Variants in CAMTA1 observed in about 807,000 individuals in gnomAD.
The protein encoded by CAMTA1 is calmodulin-binding transcription activator 1.
A neutral mutation model predicts 170.9 loss-of-function variants in CAMTA1; 27 were observed. That is an observed-to-expected ratio of 0.16 (90% CI 0.12 to 0.22). CAMTA1 has a LOEUF of 0.22. CAMTA1 is among the 10% of genes least tolerant of loss of function. The pLI is 1.00. For synonymous variants in CAMTA1, 833 were observed against 891.5 expected, an observed-to-expected ratio of 0.93 and a Z score of 1.17; for missense variants, 1,619 against 2,217.2, an observed-to-expected ratio of 0.73 and a Z score of 5.42.
intron 5 of CAMTA1, among the ~76,000 whole-genome samples, chr1:7,276,595 C>T (rs1279850565): frequency 6.6e-6 from 1 of 151,948 alleles, no homozygotes; most frequent in Non-Finnish European, 1.5e-5. Context: ...AGGTGTGAGT[C>T]ACCGTGCCCA....
intron 3 of CAMTA1, among the ~76,000 whole-genome samples, chr1:7,019,766 G>T (rs1323033623): frequency 6.6e-6 from 1 of 152,244 alleles, no homozygotes; most frequent in Non-Finnish European, 1.5e-5. Context: ...ACCCGGAAAT[G>T]TGACTGTTTC....
chr1:6,856,638 A>T (rs983893947), intron 3 of CAMTA1, among the ~76,000 whole-genome samples: 6 of 152,282 alleles, frequency 3.9e-5, no homozygotes, highest in Admixed American at 3.9e-4. Flanking sequence ...ACAGCCATTG[A>T]GCAGATAATT....
chr1:7,419,219 G>A (rs967052469), intron 5 of CAMTA1, among the ~76,000 whole-genome samples: 25 of 151,514 alleles, frequency 1.7e-4, no homozygotes, highest in Non-Finnish European at 3.2e-4. Context: ...TGCAGGGCAC[G>A]ATCTCGGCTC....
At chr1:6,875,395 G>A (rs985828687) in intron 3 of CAMTA1, among the ~76,000 whole-genome samples, 5 of 152,106 alleles carry the variant, frequency 3.3e-5, no homozygotes, top group Middle Eastern at 3.2e-3. Context: ...GGGTTCAAGC[G>A]ATTCTCCTGC....
chr1:7,717,895 CGTT>C (rs1347452245), intron 11 of CAMTA1, among the ~76,000 whole-genome samples: 1 of 152,054 alleles, frequency 6.6e-6, no homozygotes, highest in Admixed American at 6.5e-5. Context: ...TTGAAGTTCA[CGTT>C]GTGTATTTCC....
intron 4 of CAMTA1, among the ~76,000 whole-genome samples, chr1:7,236,056 G>A (rs1267871507): frequency 6.6e-6 from 1 of 152,204 alleles, no homozygotes; most frequent in Non-Finnish European, 1.5e-5. Flanking sequence ...GAGTGGCCGG[G>A]CTGCGGGGTG....
chr1:7,366,384 A>G (rs930897610), intron 5 of CAMTA1, among the ~76,000 whole-genome samples: 1 of 152,188 alleles, frequency 6.6e-6, no homozygotes, highest in Non-Finnish European at 1.5e-5. Flanking sequence ...CCTTCTCTCC[A>G]GGGCTGCTCC....
chr1:7,610,115 G>A (rs548932785), intron 6 of CAMTA1, among the ~76,000 whole-genome samples: 100 of 152,200 alleles, frequency 6.6e-4, no homozygotes, highest in Non-Finnish European at 6.6e-4. Flanking sequence ...AGCCCAGCCA[G>A]GGGTTGTGCA....
intron 4 of CAMTA1, among the ~76,000 whole-genome samples, chr1:7,215,982 C>T (rs1216877554): frequency 6.6e-6 from 1 of 152,160 alleles, no homozygotes; most frequent in African/African-American, 2.4e-5. Context: ...TCTCACATTG[C>T]TATGAAGAAC....
chr1:7,079,795 A>G lies in CAMTA1; in HGVS notation c.235-11509A>G, dbSNP rs139675961. On this transcript the variant is annotated intron_variant, in intron 3 of 22. Transcript: ENST00000303635. ...GCAAGAAAAAATCTTAAACTCAGCT[A>G]GAAGAGGGGAAAAAGACAAATTATA... is the stretch of plus-strand genomic sequence containing the variant. 3.3e-5 allele frequency among the ~76,000 whole-genome samples: 5 copies of G among 152,320 alleles called. No homozygotes were observed. In the East Asian group the frequency reaches 9.7e-4, roughly 29 times the overall value.
At chr1:7,418,432 C>G (rs1436635585) in intron 5 of CAMTA1, among the ~76,000 whole-genome samples, 1 of 152,156 alleles carries the variant, frequency 6.6e-6, no homozygotes, top group Admixed American at 6.5e-5. Context: ...CTCTTGACCT[C>G]AGGTGGTCCG....
chr1:7,402,913 C>T (rs78033683), intron 5 of CAMTA1, among the ~76,000 whole-genome samples: 5,883 of 152,228 alleles, frequency 0.039, 319 homozygotes, highest in African/African-American at 0.12. Context: ...GAATGGGGCA[C>T]GCGGGACTCG....
chr1:7,682,201 G>T lies in CAMTA1; in HGVS notation c.2914+4468G>T, dbSNP rs575064101. On this transcript the variant is annotated intron_variant, in intron 11 of 22. Coordinates refer to ENST00000303635, the MANE Select transcript of CAMTA1 (RefSeq NM_015215.4). The surrounding 1 kb of genome is among the most constrained non-coding windows in gnomAD (Gnocchi z 5.0). ...GGGACCCTGTCATCTCAGGCAGAGCGGGGAGCATGGACTAAAAGCTCAAAC... is the reference window on the plus strand; with the variant it reads ...GGGACCCTGTCATCTCAGGCAGAGCTGGGAGCATGGACTAAAAGCTCAAAC... Among the ~76,000 whole-genome samples, 1 of 152,188 alleles carries T rather than the reference G, an allele frequency of 6.6e-6. No homozygotes were observed. The highest frequency in any genetic ancestry group is 2.4e-5 in the African/African-American group (1 of 41,446).
chr1:7,127,012 A>G (rs2006183), intron 4 of CAMTA1, among the ~76,000 whole-genome samples: 112,225 of 151,870 alleles, frequency 0.74, 42,289 homozygotes, highest in African/African-American at 0.9. Context: ...CTCATGATCC[A>G]CCCACCTCAG....
At chr1:7,098,099 T>TTATGTGTGTG (rs1553244124) in intron 4 of CAMTA1, among the ~76,000 whole-genome samples, 1 of 150,760 alleles carries the variant, frequency 6.6e-6, no homozygotes, top group African/African-American at 2.4e-5. Flanking sequence ...GGTGGACGAA[T>TTATGTGTGTG]TGTGTGTGTG....
At chr1:7,711,488 A>AGCTAC (rs2096570298) in intron 11 of CAMTA1, among the ~76,000 whole-genome samples, 2 of 152,148 alleles carry the variant, frequency 1.3e-5, no homozygotes, top group South Asian at 4.1e-4. Context: ...CATAGTCCTA[A>AGCTAC]AGAAAACACC....
At chr1:6,855,829 G>T (rs1048762805) in intron 3 of CAMTA1, among the ~76,000 whole-genome samples, 5 of 152,130 alleles carry the variant, frequency 3.3e-5, no homozygotes, top group African/African-American at 9.7e-5. Flanking sequence ...GCTGCCCCTG[G>T]GGCTGAGGTA....
intron 3 of CAMTA1, among the ~76,000 whole-genome samples, chr1:6,957,171 G>A (rs977049887): frequency 1.3e-5 from 2 of 152,184 alleles, no homozygotes; most frequent in Admixed American, 6.5e-5. Context: ...CAGATCTAAG[G>A]GGGAAGGATG....
chr1:7,342,029 A>G (rs950087173), intron 5 of CAMTA1, among the ~76,000 whole-genome samples: 48 of 152,356 alleles, frequency 3.2e-4, no homozygotes, highest in Admixed American at 2.4e-3. Context: ...GGGAGTCTTC[A>G]TACTGACCGT....
Sources: gnomAD v4.1 joint callset for allele counts (sites outside exome capture counted in the v4.1 genomes callset) on GRCh38, gnomAD v4.1.1 for gene constraint, Gnocchi (gnomAD v3.1) non-coding constraint, MANE v1.5 for transcripts, NCBI Gene and HGNC (gene_info 2026-07-23, HGNC 2026-07-21) for gene names.